OR14I1: variants seen among roughly 807,000 people sequenced by gnomAD.
OR14I1 encodes olfactory receptor family 14 subfamily I member 1, also known as olfactory receptor 14I1.
For missense variants in OR14I1, 279 were observed against 181.8 expected, an observed-to-expected ratio of 1.53 and a Z score of -3.07; for synonymous variants, 118 against 71.1, an observed-to-expected ratio of 1.66 and a Z score of -3.32.
chr1:248,680,597 C>T (rs943690230), downstream of OR14I1, among the ~76,000 whole-genome samples: 1 of 152,118 alleles, frequency 6.6e-6, no homozygotes, highest in Non-Finnish European at 1.5e-5. Context: ...ATGACAATGG[C>T]GATGATGATA....
chr1:248,699,331 A>T, the OR14I1 span, among the ~76,000 whole-genome samples: 1 of 152,342 alleles, frequency 6.6e-6, no homozygotes, highest in South Asian at 2.1e-4. Context: ...AGAACATAAA[A>T]GAGCAGAAGC....
At chr1:248,694,044 C>T in the OR14I1 span, among the ~76,000 whole-genome samples, 3 of 152,216 alleles carry the variant, frequency 2.0e-5, no homozygotes, top group South Asian at 4.2e-4. Flanking sequence ...TGCCTTGGGA[C>T]ATCAGGGCCC....
chr1:248,695,155 G>A, the OR14I1 span, among the ~76,000 whole-genome samples: 2 of 147,482 alleles, frequency 1.4e-5, no homozygotes, highest in African/African-American at 2.5e-5. Flanking sequence ...TGAAATTTTC[G>A]TTATTTTGTC....
the OR14I1 span, among the ~76,000 whole-genome samples, chr1:248,693,251 G>T: frequency 6.6e-6 from 1 of 152,076 alleles, no homozygotes; most frequent in African/African-American, 2.4e-5. Context: ...CTGCTCCCAC[G>T]TCACCTGGGT....
the OR14I1 span, among the ~76,000 whole-genome samples, chr1:248,695,229 T>TTTTTG: frequency 9.5e-3 from 774 of 81,834 alleles, 12 homozygotes; most frequent in African/African-American, 0.066. Flanking sequence ...GAATGTATGC[T>TTTTTG]TTTTTTTTTT....
At chr1:248,682,908 A>G (rs1218347612), upstream of OR14I1, among the ~76,000 whole-genome samples, 2 of 152,216 alleles carry the variant, frequency 1.3e-5, no homozygotes, top group Admixed American at 1.3e-4. Flanking sequence ...GGAGAGAGGG[A>G]AATTTATTTT....
chr1:248,697,109 C>T, the OR14I1 span: 1 of 152,192 alleles, frequency 6.6e-6, no homozygotes, highest in Non-Finnish European at 1.5e-5. Flanking sequence ...AAGTGCCCAA[C>T]ATGCTTTGCA....
At chr1:248,699,751 G>A in the OR14I1 span, among the ~76,000 whole-genome samples, 1 of 146,278 alleles carries the variant, frequency 6.8e-6, no homozygotes, top group Non-Finnish European at 1.5e-5. Flanking sequence ...ACTACTTTTT[G>A]TTTTGTTTGT....
downstream of OR14I1, among the ~76,000 whole-genome samples, chr1:248,679,310 G>T (rs58012133): frequency 0.15 from 22,130 of 151,864 alleles, 1,736 homozygotes; most frequent in African/African-American, 0.19. Flanking sequence ...AATATTTTTG[G>T]TGGGGAGTGT....
the OR14I1 span, among the ~76,000 whole-genome samples, chr1:248,698,290 G>C: frequency 1.3e-5 from 2 of 152,212 alleles, no homozygotes; most frequent in Non-Finnish European, 2.9e-5. Context: ...TGAAATCATC[G>C]AGAGCGTAGA....
At chr1:248,700,570 C>T in the OR14I1 span, among the ~76,000 whole-genome samples, 4 of 152,152 alleles carry the variant, frequency 2.6e-5, no homozygotes, top group African/African-American at 9.7e-5. Flanking sequence ...GAAAAAAATT[C>T]CAACTAAATG....
At chr1:248,688,908 A>G in the OR14I1 span, among the ~76,000 whole-genome samples, 1 of 152,212 alleles carries the variant, frequency 6.6e-6, no homozygotes, top group Non-Finnish European at 1.5e-5. Context: ...ATTTGATTTG[A>G]AACTTCCATT....
At chr1:248,701,279 G>A in the OR14I1 span, among the ~76,000 whole-genome samples, 2 of 152,022 alleles carry the variant, frequency 1.3e-5, no homozygotes, top group African/African-American at 2.4e-5. Flanking sequence ...AGCCTCCCAA[G>A]TAGCTGGGAT....
Position 248,681,649 on chromosome 1 carries a change from A to T in OR14I1, c.656T>A (p.Ile219Asn), listed in dbSNP as rs775634431. ...AGGGATTCTGAGCACCGTTGAGAAG[A>T]TTTGGAAATAGGAGATCATCATGAG... The change falls in exon 1 of 1, where the codon ATC (isoleucine) becomes AAC (asparagine). Residue 219 changes from isoleucine (I) to asparagine (N), a missense_variant. Ile to Asn is a moderately radical substitution (Grantham distance 149, BLOSUM62 -3). Transcript: ENST00000342623. The T allele has an allele frequency of 2.9e-5, 23 of 781,078 alleles. No individual in the cohort carries two copies. The East Asian group carries it at 5.6e-4, about 19-fold the overall frequency. The allele number at this position is 781,078 out of a possible 1,614,324, so 48.4% of individuals were successfully genotyped here.
the OR14I1 span, chr1:248,692,531 T>G: frequency 6.5e-6 from 1 of 152,868 alleles, no homozygotes; most frequent in Admixed American, 6.5e-5. Flanking sequence ...CATTTCTGCC[T>G]TCATTCTCGC....
exon 1 of OR14I1, chr1:248,681,882 C>T (rs1661572226): frequency 2.6e-6 from 2 of 781,038 alleles, no homozygotes; most frequent in South Asian, 2.7e-5. Context: ...TGACTGCCAT[C>T]TGATAGCACC....
chr1:248,699,141 T>C, the OR14I1 span: 1 of 152,204 alleles, frequency 6.6e-6, no homozygotes, highest in Non-Finnish European at 1.5e-5. Context: ...AATTTCTCCA[T>C]AGTTATATTC....
At chr1:248,681,526 G>T (rs1248513319) in exon 1 of OR14I1, 5 of 780,856 alleles carry the variant, frequency 6.4e-6, no homozygotes, top group Non-Finnish European at 2.4e-6. Context: ...TTTTGCAATT[G>T]GTCCTAAGGC....
At chr1:248,692,626 G>A in the OR14I1 span, 5 of 152,474 alleles carry the variant, frequency 3.3e-5, no homozygotes, top group African/African-American at 1.2e-4. Context: ...CACGGCATAA[G>A]GAAAGAGCAG....
Sources: gnomAD v4.1 joint callset for allele counts (sites outside exome capture counted in the v4.1 genomes callset) on GRCh38, gnomAD v4.1.1 for gene constraint, MANE v1.5 for transcripts, NCBI Gene and HGNC (gene_info 2026-07-23, HGNC 2026-07-21) for gene names.